Variants in MGMT observed in about 807,000 individuals in gnomAD.
MGMT encodes the protein methylated-DNA--protein-cysteine methyltransferase.
A neutral mutation model predicts 15.9 loss-of-function variants in MGMT; 14 were observed. That is an observed-to-expected ratio of 0.88 (90% CI 0.58 to 1.37). The LOEUF is 1.37. MGMT is among the 40% of genes most tolerant of loss of function. The pLI is 0.00. For missense variants in MGMT, 282 were observed against 268.1 expected (o/e 1.05, Z -0.36); for synonymous variants, 130 against 118.2 (o/e 1.10, Z -0.65).
chr10:129,719,168 C>A (rs139700693), intron 3 of MGMT, among the ~76,000 whole-genome samples: 1 of 150,324 alleles, frequency 6.7e-6, no homozygotes, highest in Non-Finnish European at 1.5e-5. Context: ...CCCGCTCAGG[C>A]GTGTCACCTT....
chr10:129,660,349 G>A (rs763450257), intron 2 of MGMT, among the ~76,000 whole-genome samples: 11 of 152,064 alleles, frequency 7.2e-5, no homozygotes, highest in East Asian at 1.9e-4. Context: ...GTTGGAAGGC[G>A]TCCTGCAGCC....
intron 1 of MGMT, among the ~76,000 whole-genome samples, chr10:129,475,931 A>G: frequency 6.6e-6 from 1 of 152,254 alleles, no homozygotes; most frequent in East Asian, 1.9e-4. Context: ...TTGGAAAGCC[A>G]CAATCCATGA....
chr10:129,736,462 C>T (rs201433703), intron 3 of MGMT, among the ~76,000 whole-genome samples: 22,918 of 129,256 alleles, frequency 0.18, 2,619 homozygotes, highest in East Asian at 0.32. Context: ...TGTCTCTGCC[C>T]GTGAGATGGG....
intron 2 of MGMT, among the ~76,000 whole-genome samples, chr10:129,575,266 T>C (rs985199240): frequency 2.0e-5 from 3 of 152,042 alleles, no homozygotes; most frequent in African/African-American, 7.2e-5. Context: ...TATTCCAAAA[T>C]TGACCACATA....
chr10:129,475,073 C>T (rs189733053), intron 1 of MGMT, among the ~76,000 whole-genome samples: 2 of 152,032 alleles, frequency 1.3e-5, no homozygotes, highest in East Asian at 1.9e-4. Flanking sequence ...AGGTGGCTTT[C>T]GAGTGGAGAT....
chr10:129,652,032 G>A (rs976446842), intron 2 of MGMT, among the ~76,000 whole-genome samples: 1 of 152,196 alleles, frequency 6.6e-6, no homozygotes, highest in Non-Finnish European at 1.5e-5. Context: ...CTGAGTGCCC[G>A]AGAGGAAAGG....
At chr10:129,467,971 T>C (rs1845188595) in intron 1 of MGMT, among the ~76,000 whole-genome samples, 1 of 152,218 alleles carries the variant, frequency 6.6e-6, no homozygotes, top group African/African-American at 2.4e-5. Context: ...TTCAGCTGAG[T>C]AGCTGGCTTT....
chr10:129,707,747 C>T, intron 2 of MGMT, 148 bp from the exon 3 acceptor site: 2 of 1,072,008 alleles, frequency 1.9e-6, no homozygotes, highest in Non-Finnish European at 2.7e-6. Context: ...CTCACCAGTC[C>T]CCCTTTCTGC....
intron 4 of MGMT, among the ~76,000 whole-genome samples, chr10:129,762,870 C>T (rs995409549): frequency 1.1e-4 from 16 of 151,932 alleles, no homozygotes; most frequent in Non-Finnish European, 1.9e-4. Flanking sequence ...AAGAAAAAAA[C>T]GCACAGGGAG....
chr10:129,613,534 G>A (rs1846986292), intron 2 of MGMT, among the ~76,000 whole-genome samples: 1 of 152,200 alleles, frequency 6.6e-6, no homozygotes, highest in Non-Finnish European at 1.5e-5. Context: ...ACCCCTCCCT[G>A]GAGTCTGGGG....
At chr10:129,679,939 T>G (rs1030882054) in intron 2 of MGMT, among the ~76,000 whole-genome samples, 1 of 152,244 alleles carries the variant, frequency 6.6e-6, no homozygotes, top group African/African-American at 2.4e-5. Context: ...TTACTGTGAC[T>G]GAACAGATCA....
chr10:129,595,115 A>G (rs1001649811), intron 2 of MGMT, among the ~76,000 whole-genome samples: 5 of 152,180 alleles, frequency 3.3e-5, no homozygotes, highest in Non-Finnish European at 7.3e-5. Context: ...TCATATATGA[A>G]TGATGTCATT....
intron 1 of MGMT, among the ~76,000 whole-genome samples, chr10:129,512,764 A>G (rs1428966141): frequency 6.6e-6 from 1 of 152,134 alleles, no homozygotes; most frequent in Non-Finnish European, 1.5e-5. Flanking sequence ...AGTGTTGGTG[A>G]GGATGTGGAG....
intron 3 of MGMT, among the ~76,000 whole-genome samples, chr10:129,732,594 A>C (rs192221651): frequency 2.6e-5 from 4 of 151,164 alleles, no homozygotes; most frequent in Admixed American, 1.3e-4. Context: ...TTTAGGGTGC[A>C]TGTGCATAAT....
chr10:129,648,854 G>C (rs1225711606), intron 2 of MGMT, among the ~76,000 whole-genome samples: 1 of 152,168 alleles, frequency 6.6e-6, no homozygotes, highest in Non-Finnish European at 1.5e-5. Context: ...TGAAGCTATG[G>C]CTTCCTAAAG....
chr10:129,590,259 T>C (rs139485078), intron 2 of MGMT, among the ~76,000 whole-genome samples: 43 of 152,216 alleles, frequency 2.8e-4, no homozygotes, highest in African/African-American at 1.0e-3. Flanking sequence ...ACGTTTAATA[T>C]AAAAATATAG....
chr10:129,648,934 A>T (rs182361864), intron 2 of MGMT, among the ~76,000 whole-genome samples: 1 of 152,220 alleles, frequency 6.6e-6, no homozygotes, highest in Non-Finnish European at 1.5e-5. Context: ...AGTTAAAAGC[A>T]TCTGTGGTCT....
intron 1 of MGMT, among the ~76,000 whole-genome samples, chr10:129,490,731 A>G (rs577335035): frequency 2.6e-5 from 4 of 152,212 alleles, no homozygotes; most frequent in East Asian, 1.9e-4. Flanking sequence ...CCATCTTGCT[A>G]TCTGTCTTCT....
At chr10:129,538,324 T>C (rs1440358865) in intron 2 of MGMT, among the ~76,000 whole-genome samples, 1 of 152,222 alleles carries the variant, frequency 6.6e-6, no homozygotes, top group Admixed American at 6.5e-5. Context: ...TTTGTTTCCA[T>C]TTCTCCAGAG....
Sources: gnomAD v4.1 joint callset for allele counts (sites outside exome capture counted in the v4.1 genomes callset) on GRCh38, gnomAD v4.1.1 for gene constraint, MANE v1.5 for transcripts, NCBI Gene and HGNC (gene_info 2026-07-23, HGNC 2026-07-21) for gene names.